Variants in CCDC14 observed in about 807,000 individuals in gnomAD.
CCDC14 encodes the protein coiled-coil domain containing 14.
A neutral mutation model predicts 81.4 loss-of-function variants in CCDC14; 71 were observed. The observed-to-expected ratio is 0.87, with a 90% CI of 0.72 to 1.06. The LOEUF is 1.06. Ranked by LOEUF, CCDC14 falls within the 50% of genes least tolerant of loss-of-function variation. CCDC14 has a pLI of 0.00. For synonymous variants in CCDC14, 332 were observed against 364.8 expected, an observed-to-expected ratio of 0.91 and a Z score of 1.03; for missense variants, 1,046 against 1,047.3, an observed-to-expected ratio of 1.00 and a Z score of 0.02.
At chr3:123,902,930 C>G (rs912408764) in intron 5 of CCDC14, among the ~76,000 whole-genome samples, 1 of 152,036 alleles carries the variant, frequency 6.6e-6, no homozygotes, top group African/African-American at 2.4e-5. Context: ...TTTAGGCCCA[C>G]ATGCATTAGG....
intron 2 of CCDC14, 35 bp from the exon 3 acceptor site, chr3:123,956,462 T>G (rs2037331309): frequency 6.9e-7 from 1 of 1,447,972 alleles, no homozygotes; most frequent in Non-Finnish European, 9.4e-7. Flanking sequence ...CTTACAAATA[T>G]TTTTCCCAAA....
intron 1 of CCDC14, chr3:123,958,776 T>C (rs2148970648): frequency 6.6e-6 from 1 of 152,232 alleles, no homozygotes; most frequent in East Asian, 1.9e-4. Context: ...AATACTGTTC[T>C]TTACAAAAAA....
At chr3:123,906,089 G>C (rs1463333176) in intron 5 of CCDC14, among the ~76,000 whole-genome samples, 1 of 152,146 alleles carries the variant, frequency 6.6e-6, no homozygotes, top group African/African-American at 2.4e-5. Context: ...CAGCACTTTG[G>C]GAGGCCAAGG....
At chr3:123,922,165 A>G (rs181995398) in intron 12 of CCDC14, among the ~76,000 whole-genome samples, 6 of 152,296 alleles carry the variant, frequency 3.9e-5, no homozygotes, top group Admixed American at 3.9e-4. Flanking sequence ...ATAAAATAAT[A>G]CCTTGAGACG....
chr3:123,885,698 G>A, the CCDC14 span, among the ~76,000 whole-genome samples: 1 of 152,038 alleles, frequency 6.6e-6, no homozygotes, highest in Non-Finnish European at 1.5e-5. Flanking sequence ...ATTATAGATG[G>A]TTGTGTGTTC....
At chr3:123,909,597 TTAAG>T (rs1477026268), downstream of CCDC14, among the ~76,000 whole-genome samples, 1 of 152,224 alleles carries the variant, frequency 6.6e-6, no homozygotes. Flanking sequence ...AAGTAAGAAC[TTAAG>T]TGTCTATTAT....
intron 5 of CCDC14, among the ~76,000 whole-genome samples, chr3:123,902,758 T>C (rs950504944): frequency 1.4e-4 from 22 of 152,238 alleles, no homozygotes; most frequent in Non-Finnish European, 3.1e-4. Flanking sequence ...ATTTAATGAA[T>C]AATTATTGTT....
At chr3:123,921,750 A>T (rs922649210) in intron 12 of CCDC14, among the ~76,000 whole-genome samples, 19 of 151,756 alleles carry the variant, frequency 1.3e-4, no homozygotes, top group African/African-American at 4.6e-4. Context: ...GAGCTTAAAA[A>T]TTTGTCAAAA....
chr3:123,899,557 T>G lies in CCDC14; in HGVS notation c.668-1944A>C, dbSNP rs535649475. Among the ~76,000 whole-genome samples the G allele has an allele frequency of 9.8e-5, 15 of 152,328 alleles. No homozygotes were observed. In the South Asian group the frequency reaches 2.1e-3, roughly 21 times the overall value. On this transcript the variant is annotated intron_variant, in intron 5 of 5. Transcript: ENST00000479903. ...GGCCAGAAACCTGGGTCTTTCTGCA[T>G]TCCCTTTGCCTCATCAGTTGCCCAT... is the stretch of plus-strand genomic sequence containing the variant.
intron 5 of CCDC14, among the ~76,000 whole-genome samples, chr3:123,906,488 G>GAGAAAA (rs1243630161): frequency 6.6e-6 from 1 of 150,382 alleles, no homozygotes; most frequent in African/African-American, 2.4e-5. Flanking sequence ...TCATAGGAGA[G>GAGAAAA]AGAAAAAGAA....
At chr3:123,912,021 T>C (rs1048722424), downstream of CCDC14, among the ~76,000 whole-genome samples, 5 of 152,200 alleles carry the variant, frequency 3.3e-5, no homozygotes, top group Non-Finnish European at 7.3e-5. Context: ...CTAGGATCTC[T>C]ACACTTGGTC....
intron 10 of CCDC14, among the ~76,000 whole-genome samples, chr3:123,933,193 GA>G (rs1158242875): frequency 6.6e-6 from 1 of 152,072 alleles, no homozygotes; most frequent in Non-Finnish European, 1.5e-5. Context: ...TTTGCACTGG[GA>G]AAAAAGGGGA....
chr3:123,925,984 T>G (rs1334282161), intron 12 of CCDC14, among the ~76,000 whole-genome samples: 1 of 152,180 alleles, frequency 6.6e-6, no homozygotes, highest in Non-Finnish European at 1.5e-5. Context: ...TGGAGAAACA[T>G]ATCTTTGAAG....
At chr3:123,903,076 T>A (rs2034210478) in intron 5 of CCDC14, among the ~76,000 whole-genome samples, 1 of 152,182 alleles carries the variant, frequency 6.6e-6, no homozygotes, top group Admixed American at 6.5e-5. Context: ...GTGTTTGGTT[T>A]TCTGTTCCTG....
downstream of CCDC14, chr3:123,897,285 T>C (rs1920214): frequency 0.14 from 20,989 of 151,942 alleles, 2,501 homozygotes; most frequent in East Asian, 0.36. Flanking sequence ...GTAACTTTGA[T>C]TGAGAATTTA....
chr3:123,914,931 A>C lies in CCDC14; in HGVS notation c.2566T>G (p.Phe856Val). 6.2e-7 allele frequency: 1 copy of C among 1,614,074 alleles called. No individual in the cohort carries two copies. The highest frequency in any genetic ancestry group is 8.5e-7 in the Non-Finnish European group (1 of 1,179,884). The change falls in exon 13 of 13, where the codon TTC becomes GTC. Residue 856 changes from phenylalanine to valine, a missense_variant. Physicochemically the swap from Phe to Val is conservative, Grantham distance 50. Coordinates refer to ENST00000409697, the MANE Select transcript of CCDC14 (RefSeq NM_001366335.1). Reference sequence around the variant, plus strand: ...CAGTCAGACATCAAGTCAGAAGTGAAAACACTACCATCACAGACAGTATTG... The same window carrying C: ...CAGTCAGACATCAAGTCAGAAGTGACAACACTACCATCACAGACAGTATTG... ...KGNTVCDGSVFTSDLMSDWSI... is the reference protein window; with the variant it reads ...KGNTVCDGSVVTSDLMSDWSI...
the CCDC14 span, among the ~76,000 whole-genome samples, chr3:123,889,138 A>G: frequency 6.6e-6 from 1 of 152,212 alleles, no homozygotes; most frequent in East Asian, 1.9e-4. Flanking sequence ...AGCCAGGTGC[A>G]GTGGCTCACA....
At chr3:123,940,965 A>G (rs958200897) in intron 9 of CCDC14, among the ~76,000 whole-genome samples, 1 of 152,078 alleles carries the variant, frequency 6.6e-6, no homozygotes, top group Non-Finnish European at 1.5e-5. Context: ...TTATGCTAAC[A>G]TTTGTTAAAT....
downstream of CCDC14, among the ~76,000 whole-genome samples, chr3:123,909,380 G>A (rs1283304623): frequency 1.3e-5 from 2 of 152,168 alleles, no homozygotes; most frequent in African/African-American, 4.8e-5. Flanking sequence ...CCCTTGGGCT[G>A]AGCAGAAGAT....
Sources: allele counts gnomAD v4.1 joint callset (sites outside exome capture counted in the v4.1 genomes callset), GRCh38; gene constraint gnomAD v4.1.1; transcripts MANE v1.5; gene names NCBI Gene and HGNC (gene_info 2026-07-23, HGNC 2026-07-21).